The following TSN variants were observed in gnomAD, a reference collection of about 807,000 sequenced individuals.
TSN encodes translin.
TSN carries 5 observed loss-of-function variants against 29.4 expected under a neutral mutation model. The observed-to-expected ratio is 0.17, with a 90% CI of 0.09 to 0.36. The LOEUF is 0.36. Among genes scored for constraint, TSN ranks in the 10% least tolerant of loss-of-function variants. The pLI is 1.00. For missense variants in TSN, 159 were observed against 272.8 expected (o/e 0.58, Z 2.94); for synonymous variants, 106 against 102.2 (o/e 1.04, Z -0.23).
chr2:121,758,033 A>ATG (rs1211278063), intron 2 of TSN, among the ~76,000 whole-genome samples: 2 of 149,646 alleles, frequency 1.3e-5, no homozygotes, highest in African/African-American at 5.0e-5. Flanking sequence ...GTGTGTGTGT[A>ATG]TGTGTGTATG....
Position 121,757,222 on chromosome 2 carries a change from A to G in TSN, c.67-18A>G. ...TGATTCTGTTGAGTATCTGATTTTT[A>G]TTTTTAATTCTCTCTAGGAAATCAG... On this transcript the variant is annotated intron_variant, in intron 1 of 5. Transcript: ENST00000389682. The G allele has an allele frequency of 6.2e-7, 1 of 1,609,080 alleles. No homozygotes were observed. Among genetic ancestry groups the G allele is most frequent in the South Asian group, 1.1e-5 (1 of 90,664 alleles).
In TSN at chr2:121,761,070, A is replaced by G. The variant is rs1259966084; in HGVS notation, c.258-339A>G. Among the ~76,000 whole-genome samples the G allele has an allele frequency of 2.6e-5, 4 of 152,108 alleles. No individual in the cohort carries two copies. The South Asian group carries it at 6.2e-4, about 24-fold the overall frequency. On this transcript the variant is annotated intron_variant, in intron 3 of 5. Transcript: ENST00000389682. ...TTTTTAGTAGAGAGGGGGTTTTGCC[A>G]TGTTGGCCAGGCTGGTCTTGAACTC...
intron 2 of TSN, among the ~76,000 whole-genome samples, chr2:121,758,232 C>A (rs867127733): frequency 3.9e-5 from 6 of 152,226 alleles, no homozygotes; most frequent in African/African-American, 1.4e-4. Context: ...GCTAAAGGAG[C>A]TGAAGTATAT....
Position 121,763,024 on chromosome 2 carries a change from A to G in TSN, c.393A>G (p.Lys131=). The part of the protein sequence containing the change: ...EILGIEPDRE[K]GFHLDVEDYL... Reference sequence around the variant, plus strand: ...TTTTAGTTGAGCCAGATCGGGAGAAAGGATTTCATCTGGATGTAGAAGATT... The same window carrying G: ...TTTTAGTTGAGCCAGATCGGGAGAAGGGATTTCATCTGGATGTAGAAGATT... Residue 131 remains lysine, a synonymous_variant, in exon 5 of 6, where the codon AAA becomes AAG. Transcript: ENST00000389682. 1 of 1,609,946 alleles carries G rather than the reference A, an allele frequency of 6.2e-7. No individual in the cohort carries two copies. Among genetic ancestry groups the G allele is most frequent in the Non-Finnish European group, 8.5e-7 (1 of 1,178,732 alleles).
chr2:121,762,737 T>C (rs888751361), intron 4 of TSN, among the ~76,000 whole-genome samples: 3 of 152,238 alleles, frequency 2.0e-5, no homozygotes, highest in African/African-American at 7.2e-5. Context: ...TGCTTTATCA[T>C]GTGCTTTCTA....
intron 1 of TSN, chr2:121,756,068 C>G (rs1324336118): frequency 3.2e-6 from 3 of 938,318 alleles, no homozygotes; most frequent in East Asian, 2.7e-5. Flanking sequence ...TCACTTGCCT[C>G]GTTTGTGTCA....
chr2:121,766,556 G>C lies in TSN; in HGVS notation c.*1189G>C, dbSNP rs2074904241. 6.6e-6 allele frequency: 1 copy of C among 152,174 alleles called. No individual in the cohort carries two copies. The highest frequency in any genetic ancestry group is 2.4e-5 in the African/African-American group (1 of 41,436). 9.4% of individuals were successfully genotyped at this position (152,174 alleles called of 1,614,324 possible). ...CTATCCCAACAGTCATGTTTTAAAT[G>C]TACAGTTTGGGGCAAGTCATGTAAA... On this transcript the variant is annotated 3_prime_UTR_variant, in exon 6 of 6. Transcript: ENST00000389682.
chr2:121,765,347 G>T lies in TSN; in HGVS notation c.667G>T (p.Ala223Ser), dbSNP rs2074888606. 1 of 1,614,090 alleles carries T rather than the reference G, an allele frequency of 6.2e-7. No individual in the cohort carries two copies. Among genetic ancestry groups the T allele is most frequent in the African/African-American group, 1.3e-5 (1 of 74,936 alleles). The change falls in exon 6 of 6, where the codon GCA becomes TCA. Residue 223 changes from alanine to serine, a missense_variant. By Grantham distance (99) the Ala-to-Ser change is moderately conservative. Transcript: ENST00000389682. ...CCGGGGCTTTAATAAGGAGACGGCA[G>T]CAGCTTGTGTTGAAAAATAGGAGGC... ...SIRGFNKETA[A>S]ACVEK is the part of the protein sequence containing the mutation.
At chr2:121,756,651 T>G (rs1332657836) in intron 1 of TSN, 1 of 1,296,544 alleles carries the variant, frequency 7.7e-7, no homozygotes, top group African/African-American at 1.5e-5. Flanking sequence ...ATGCCTGTAA[T>G]TCCAGCATTT....
At chr2:121,763,714 A>G (rs571088133) in intron 5 of TSN, among the ~76,000 whole-genome samples, 27 of 152,364 alleles carry the variant, frequency 1.8e-4, no homozygotes, top group African/African-American at 6.0e-4. Flanking sequence ...TCATTTGTCT[A>G]TATAACTAAG....
intron 5 of TSN, among the ~76,000 whole-genome samples, chr2:121,764,314 A>T (rs1206561368): frequency 6.6e-6 from 1 of 152,136 alleles, no homozygotes. Context: ...TTAGGACCAT[A>T]CATGTTGGGG....
chr2:121,760,510 A>G (rs1227873637), intron 3 of TSN, among the ~76,000 whole-genome samples: 8 of 151,990 alleles, frequency 5.3e-5, no homozygotes, highest in Non-Finnish European at 1.5e-5. Context: ...GGTTTGTGTG[A>G]CCTGCATTAT....
chr2:121,761,166 C>T (rs756663834), intron 3 of TSN, among the ~76,000 whole-genome samples: 1 of 152,084 alleles, frequency 6.6e-6, no homozygotes, highest in Middle Eastern at 3.2e-3. Flanking sequence ...CCATCGCACC[C>T]GGCGTAAATT....
At chr2:121,762,709 C>T (rs1000351325) in intron 4 of TSN, among the ~76,000 whole-genome samples, 17 of 152,122 alleles carry the variant, frequency 1.1e-4, no homozygotes, top group African/African-American at 3.9e-4. Flanking sequence ...TTGCAAATAT[C>T]GTAACTCCTT....
intron 1 of TSN, chr2:121,756,812 A>C: frequency 3.1e-6 from 1 of 318,986 alleles, no homozygotes. Context: ...GGGAGGCTGA[A>C]GCAGGAGAAT....
chr2:121,764,608 G>A (rs1408002941), intron 5 of TSN, among the ~76,000 whole-genome samples: 1 of 151,812 alleles, frequency 6.6e-6, no homozygotes, highest in East Asian at 1.9e-4. Flanking sequence ...TACTGACACC[G>A]AGAAGGGGAG....
At chr2:121,759,648 C>G (rs2074795228) in intron 3 of TSN, among the ~76,000 whole-genome samples, 1 of 151,718 alleles carries the variant, frequency 6.6e-6, no homozygotes, top group Non-Finnish European at 1.5e-5. Flanking sequence ...TGTGAAATGT[C>G]TCCTGGTTTC....
intron 1 of TSN, chr2:121,756,643 G>A: frequency 7.7e-7 from 1 of 1,297,908 alleles, no homozygotes; most frequent in Non-Finnish European, 1.0e-6. Context: ...GGCGCCTCAT[G>A]CCTGTAATTC....
At chr2:121,764,029 T>G (rs1305681088) in intron 5 of TSN, among the ~76,000 whole-genome samples, 1 of 152,176 alleles carries the variant, frequency 6.6e-6, no homozygotes, top group African/African-American at 2.4e-5. Flanking sequence ...TAGCCAGCAG[T>G]AGGAGGAAAT....
Sources: allele counts gnomAD v4.1 joint callset (sites outside exome capture counted in the v4.1 genomes callset), GRCh38; gene constraint gnomAD v4.1.1; transcripts MANE v1.5; gene names NCBI Gene and HGNC (gene_info 2026-07-23, HGNC 2026-07-21).